The following DOCK8 variants were observed in gnomAD, a reference collection of about 807,000 sequenced individuals.
The protein encoded by DOCK8 is dedicator of cytokinesis protein 8.
In DOCK8, 141 loss-of-function variants were observed where a neutral mutation model predicts 245.6. The observed-to-expected ratio is 0.57, with a 90% CI of 0.50 to 0.66. DOCK8 has a LOEUF of 0.66. DOCK8 is among the 30% of genes least tolerant of loss of function. The probability of loss-of-function intolerance (pLI) is 0.00; values close to 1 mark genes in which losing one functional copy is unlikely to be tolerated. For missense variants in DOCK8, 2,965 were observed against 2,603.4 expected, an observed-to-expected ratio of 1.14 and a Z score of -3.02; for synonymous variants, 1,168 against 970.2, an observed-to-expected ratio of 1.20 and a Z score of -3.79.
intron 20 of DOCK8, among the ~76,000 whole-genome samples, chr9:379,386 C>T (rs1474589290): frequency 6.6e-6 from 1 of 152,106 alleles, no homozygotes; most frequent in Non-Finnish European, 1.5e-5. Flanking sequence ...CTGATTAATA[C>T]ACTCTCTGGG....
chr9:420,789 G>A (rs1351225844), intron 31 of DOCK8, among the ~76,000 whole-genome samples, 160 bp from the exon 32 acceptor site: 1 of 152,184 alleles, frequency 6.6e-6, no homozygotes, highest in Non-Finnish European at 1.5e-5. Flanking sequence ...CCCCATTTCT[G>A]TTGACAGAGT....
chr9:319,122 C>T (rs867124770), intron 7 of DOCK8, among the ~76,000 whole-genome samples: 19 of 151,152 alleles, frequency 1.3e-4, no homozygotes, highest in Middle Eastern at 3.2e-3. Context: ...TATAGTGAGA[C>T]CCCCTCTCTA....
At chr9:311,213 A>AG (rs2050094133) in intron 5 of DOCK8, among the ~76,000 whole-genome samples, 1 of 151,212 alleles carries the variant, frequency 6.6e-6, no homozygotes, top group Non-Finnish European at 1.5e-5. Flanking sequence ...TGAACCTGGG[A>AG]GGCGGAGGTT....
chr9:434,937 G>A lies in DOCK8; in HGVS notation c.5041G>A (p.Asp1681Asn). 6.2e-7 allele frequency: 1 copy of A among 1,613,438 alleles called. No individual in the cohort carries two copies. Among genetic ancestry groups the A allele is most frequent in the Non-Finnish European group, 8.5e-7 (1 of 1,180,040 alleles). ...LVAEYLSMLE[D>N]HSYLPVGSVS... Reference sequence around the variant, plus strand: ...GGCTGAGTATCTGAGCATGCTGGAGGACCACAGCTACCTGCCCGTGGGCAG... The same window carrying A: ...GGCTGAGTATCTGAGCATGCTGGAGAACCACAGCTACCTGCCCGTGGGCAG... Residue 1681 changes from aspartate to asparagine, a missense_variant, in exon 39 of 48, where the codon GAC becomes AAC. Asp to Asn is a conservative substitution (Grantham distance 23, BLOSUM62 1). Coordinates refer to ENST00000432829, the MANE Select transcript of DOCK8 (RefSeq NM_203447.4).
chr9:433,637 A>G (rs972388421), intron 37 of DOCK8, among the ~76,000 whole-genome samples: 1 of 152,208 alleles, frequency 6.6e-6, no homozygotes, highest in African/African-American at 2.4e-5. Context: ...TAGAGATAGT[A>G]TGAGGATTCA....
chr9:444,195 G>T (rs536214683), intron 43 of DOCK8, among the ~76,000 whole-genome samples: 1 of 152,064 alleles, frequency 6.6e-6, no homozygotes, highest in South Asian at 2.1e-4. Context: ...CAGGGTAAAG[G>T]CTCAGTCCTC....
intron 1 of DOCK8, 145 bp downstream of exon 1, chr9:215,174 G>T: frequency 6.6e-7 from 1 of 1,506,248 alleles, no homozygotes; most frequent in Non-Finnish European, 8.8e-7. Flanking sequence ...CCCGGTTCCC[G>T]AGGCTGCGGC....
chr9:328,515 C>T (rs530233870), intron 9 of DOCK8, among the ~76,000 whole-genome samples: 1 of 152,280 alleles, frequency 6.6e-6, no homozygotes, highest in African/African-American at 2.4e-5. Flanking sequence ...CAGAATAAAG[C>T]TTGGCACATC....
chr9:246,192 C>G (rs769193467), intron 1 of DOCK8, among the ~76,000 whole-genome samples: 1 of 151,850 alleles, frequency 6.6e-6, no homozygotes, highest in Non-Finnish European at 1.5e-5. Flanking sequence ...GCACTCCATC[C>G]TAGGTGACAG....
chr9:428,231 T>C, intron 34 of DOCK8, 131 bp from the exon 35 acceptor site: 1 of 1,402,202 alleles, frequency 7.1e-7, no homozygotes, highest in African/African-American at 1.4e-5. Context: ...ATGATACCCA[T>C]GGTGGCTCAC....
chr9:278,962 C>A (rs148456266), intron 2 of DOCK8, among the ~76,000 whole-genome samples: 9 of 152,024 alleles, frequency 5.9e-5, no homozygotes, highest in Non-Finnish European at 8.8e-5. Context: ...ATAGACTGGA[C>A]GAGGGAGGGC....
At chr9:264,614 T>C (rs1450378703) in intron 1 of DOCK8, among the ~76,000 whole-genome samples, 1 of 152,208 alleles carries the variant, frequency 6.6e-6, no homozygotes, top group African/African-American at 2.4e-5. Context: ...TATGCATATA[T>C]GTATATGAGT....
At chr9:333,096 G>C (rs2051102192) in intron 10 of DOCK8, among the ~76,000 whole-genome samples, 2 of 152,178 alleles carry the variant, frequency 1.3e-5, no homozygotes, top group African/African-American at 4.8e-5. Flanking sequence ...TGGTTGGGAG[G>C]TCCGTGGAGA....
rs481905 is a variant in DOCK8, at chr9:215,057, T to A, written c.53+28T>A. The A allele has an allele frequency of 1.9e-6, 3 of 1,555,492 alleles. No homozygotes were observed. The highest frequency in any genetic ancestry group is 2.6e-6 in the Non-Finnish European group (3 of 1,159,318). ...AAGACGCCCCCCGCGGCGCGCAGGT[T>A]GCGGCCGGACAGCCCAGCGCTGGTG... On this transcript the variant is annotated intron_variant, in intron 1 of 47. Transcript: ENST00000432829.
chr9:310,504 G>A (rs915382966), intron 5 of DOCK8, among the ~76,000 whole-genome samples: 1 of 152,184 alleles, frequency 6.6e-6, no homozygotes, highest in Non-Finnish European at 1.5e-5. Flanking sequence ...TGTTGCCCAG[G>A]CTGGAGTACA....
At chr9:263,518 G>C (rs2047969348) in intron 1 of DOCK8, among the ~76,000 whole-genome samples, 1 of 152,010 alleles carries the variant, frequency 6.6e-6, no homozygotes, top group Non-Finnish European at 1.5e-5. Context: ...CTATCATTTA[G>C]ATTTACTTAT....
chr9:438,146 A>T (rs550223974), intron 39 of DOCK8, among the ~76,000 whole-genome samples: 2 of 152,242 alleles, frequency 1.3e-5, no homozygotes, highest in Non-Finnish European at 2.9e-5. Flanking sequence ...AGGGCTATCT[A>T]TGACAACTAT....
At chr9:289,115 G>A (rs1197309390) in intron 3 of DOCK8, among the ~76,000 whole-genome samples, 2 of 152,246 alleles carry the variant, frequency 1.3e-5, no homozygotes, top group African/African-American at 2.4e-5. Flanking sequence ...GAGAACACGC[G>A]TGTCCTAACA....
intron 1 of DOCK8, among the ~76,000 whole-genome samples, chr9:229,630 G>C (rs1213564203): frequency 1.3e-5 from 2 of 152,070 alleles, no homozygotes; most frequent in African/African-American, 4.8e-5. Flanking sequence ...ATTCTCAAGA[G>C]TTACCAAATA....
Sources: allele counts gnomAD v4.1 joint callset (sites outside exome capture counted in the v4.1 genomes callset), GRCh38; gene constraint gnomAD v4.1.1; transcripts MANE v1.5; gene names NCBI Gene and HGNC (gene_info 2026-07-23, HGNC 2026-07-21).